Variants in A2ML1 observed in about 807,000 individuals in gnomAD.
A2ML1 encodes the protein alpha-2-macroglobulin like 1.
A neutral mutation model predicts 181.9 loss-of-function variants in A2ML1; 161 were observed. That is an observed-to-expected ratio of 0.89 (90% confidence interval 0.78 to 1.01). The LOEUF (loss-of-function observed/expected upper bound fraction) is 1.01. Ranked by LOEUF, A2ML1 falls within the 50% of genes least tolerant of loss-of-function variation. The pLI is 0.00. For missense variants in A2ML1, 1,670 were observed against 1,768.1 expected (o/e 0.94, Z 1.00); for synonymous variants, 663 against 666.8 (o/e 0.99, Z 0.09).
chr12:8,842,385 AT>A (rs1163391833), intron 11 of A2ML1, among the ~76,000 whole-genome samples: 1 of 136,374 alleles, frequency 7.3e-6, no homozygotes, highest in Non-Finnish European at 1.6e-5. Flanking sequence ...CGCCCGGCTA[AT>A]TTTTTGTATT....
At chr12:8,886,839 T>C (rs1944925751) in exon 8 of A2ML1, 1 of 152,198 alleles carries the variant, frequency 6.6e-6, no homozygotes, top group South Asian at 2.1e-4. Context: ...TTGGGGGTTA[T>C]GGCTCCAACA....
intron 16 of A2ML1, 62 bp downstream of exon 16, chr12:8,848,976 A>G: frequency 1.3e-6 from 2 of 1,525,740 alleles, no homozygotes; most frequent in South Asian, 2.6e-5. Flanking sequence ...GGCAAAGGAA[A>G]GTTCATATCT....
chr12:8,845,115 C>A (rs1943622859), intron 12 of A2ML1: 1 of 1,459,422 alleles, frequency 6.9e-7, no homozygotes, highest in Non-Finnish European at 9.0e-7. Context: ...CTTTCTGTTA[C>A]AAAGATTATA....
intron 11 of A2ML1, among the ~76,000 whole-genome samples, chr12:8,842,234 T>G (rs2136807759): frequency 6.6e-6 from 1 of 151,840 alleles, no homozygotes; most frequent in Admixed American, 6.6e-5. Context: ...TTTTTTTTTT[T>G]TGAGACAGAG....
chr12:8,874,605 T>G (rs758594975), intron 34 of A2ML1, 78 bp downstream of exon 34: 1 of 1,128,494 alleles, frequency 8.9e-7, no homozygotes, highest in Non-Finnish European at 1.3e-6. Flanking sequence ...TCTTCATGGC[T>G]TCTCTCTTAA....
intron 33 of A2ML1, among the ~76,000 whole-genome samples, chr12:8,872,448 A>C (rs187518247): frequency 1.3e-5 from 2 of 152,192 alleles, no homozygotes; most frequent in African/African-American, 4.8e-5. Context: ...AATGATAATA[A>C]ACTCACTACA....
At chr12:8,841,327 C>G in intron 10 of A2ML1, 42 bp from the exon 11 acceptor site, 1 of 1,591,006 alleles carries the variant, frequency 6.3e-7, no homozygotes, top group Non-Finnish European at 8.6e-7. Context: ...CTCAAGCTTA[C>G]TCCAAACCTA....
In A2ML1 at chr12:8,852,738, G is replaced by A. The variant is rs180735568; in HGVS notation, c.2590+402G>A. Among the ~76,000 whole-genome samples, 11 of 152,018 alleles carry A rather than the reference G, an allele frequency of 7.2e-5. No individual in the cohort carries two copies. The highest frequency in any genetic ancestry group is 1.9e-4 in the East Asian group (1 of 5,168). ...TTGAGAGGAAGTCTCGCTCTGTTGC[G>A]CAGGCTGGAGTGCAGTGGTGCAATC... On this transcript the variant is annotated intron_variant, in intron 20 of 35. Transcript: ENST00000299698. This position sits in a 1 kb window ranked among gnomAD's most constrained non-coding sequence, Gnocchi z 4.2.
intron 12 of A2ML1, 58 bp from the exon 13 acceptor site, chr12:8,845,384 G>T: frequency 6.3e-7 from 1 of 1,585,426 alleles, no homozygotes; most frequent in Non-Finnish European, 8.6e-7. Context: ...CTGGAAGTTG[G>T]TCCAAGGTGA....
At chr12:8,872,870 C>T (rs1478609427) in intron 33 of A2ML1, among the ~76,000 whole-genome samples, 1 of 151,866 alleles carries the variant, frequency 6.6e-6, no homozygotes, top group East Asian at 1.9e-4. Context: ...TGCATTTTTG[C>T]TTTAATATCT....
chr12:8,837,826 G>A (rs1293050826), intron 8 of A2ML1, among the ~76,000 whole-genome samples: 1 of 150,874 alleles, frequency 6.6e-6, no homozygotes, highest in Non-Finnish European at 1.5e-5. Flanking sequence ...GTTGCAATGA[G>A]CCGAGATGGT....
intron 26 of A2ML1, among the ~76,000 whole-genome samples, chr12:8,860,624 AC>A (rs1393454375): frequency 6.6e-6 from 1 of 152,014 alleles, no homozygotes; most frequent in Non-Finnish European, 1.5e-5. Flanking sequence ...TTTCTTAAAT[AC>A]CCACTCAGCT....
chr12:8,822,782 A>G (rs1565457590), intron 1 of A2ML1, 69 bp downstream of exon 1: 1 of 1,440,206 alleles, frequency 6.9e-7, no homozygotes, highest in East Asian at 2.3e-5. Flanking sequence ...TCAAACATTT[A>G]TATGGAGATG....
At chr12:8,874,364 T>G (rs1256876618) in intron 33 of A2ML1, 61 bp from the exon 34 acceptor site, 2 of 1,320,076 alleles carry the variant, frequency 1.5e-6, no homozygotes, top group African/African-American at 2.9e-5. Context: ...TTATTCCACA[T>G]TGCATACAGT....
At position 8,863,804 on chromosome 12, in the gene A2ML1, T is replaced by C; in HGVS notation, c.3513T>C (p.Ile1171=). The C allele has an allele frequency of 1.2e-6, 2 of 1,614,218 alleles. No individual in the cohort carries two copies. Among genetic ancestry groups the C allele is most frequent in the Non-Finnish European group, 1.7e-6 (2 of 1,180,024 alleles). ...DQQAIISGES[I]YWSQKPTPSS... ...TTTCTTTTTCCATAGGAGAATCCAT[T>C]TACTGGAGCCAGAAACCTACTCCAT... Residue 1171 remains isoleucine (I), a synonymous_variant, in exon 29 of 36, where the codon ATT becomes ATC. Transcript: ENST00000299698.
intron 32 of A2ML1, among the ~76,000 whole-genome samples, chr12:8,868,888 G>A (rs1944525505): frequency 6.6e-6 from 1 of 151,906 alleles, no homozygotes; most frequent in South Asian, 2.1e-4. Flanking sequence ...ATGTATATAT[G>A]TGCATGTATG....
intron 28 of A2ML1, among the ~76,000 whole-genome samples, chr12:8,861,970 G>C (rs1391369326): frequency 2.0e-5 from 3 of 151,492 alleles, no homozygotes; most frequent in African/African-American, 7.3e-5. Context: ...CTGTTGACCA[G>C]GGTGGTCTCG....
At chr12:8,879,104 T>C (rs1944844007), downstream of A2ML1, among the ~76,000 whole-genome samples, 1 of 152,254 alleles carries the variant, frequency 6.6e-6, no homozygotes, top group Non-Finnish European at 1.5e-5. Context: ...GGAGTTCCTA[T>C]AGTGAGGGCA....
intron 15 of A2ML1, 150 bp downstream of exon 15, chr12:8,847,848 A>G (rs1348523748): frequency 6.2e-6 from 7 of 1,123,546 alleles, no homozygotes; most frequent in Non-Finnish European, 8.5e-6. Flanking sequence ...GAAGTTAGAA[A>G]GTGTAAGAGG....
Sources: allele counts gnomAD v4.1 joint callset (sites outside exome capture counted in the v4.1 genomes callset), GRCh38; gene constraint gnomAD v4.1.1; non-coding constraint Gnocchi (gnomAD v3.1); transcripts MANE v1.5; gene names NCBI Gene and HGNC (gene_info 2026-07-23, HGNC 2026-07-21).